Variants in CYB5D2 observed in about 807,000 individuals in gnomAD.
The protein encoded by CYB5D2 is neuferricin.
In CYB5D2, 23 loss-of-function variants were observed where a neutral mutation model predicts 22.8. That is an observed-to-expected ratio of 1.01 (90% CI 0.73 to 1.43). The LOEUF (loss-of-function observed/expected upper bound fraction) is 1.43. Among genes scored for constraint, CYB5D2 ranks in the 40% most tolerant of loss-of-function variants. The pLI, the probability that CYB5D2 is intolerant of heterozygous loss-of-function variation, is 0.00. For missense variants in CYB5D2, 373 were observed against 357.2 expected (o/e 1.04, Z -0.36); for synonymous variants, 170 against 152.2 (o/e 1.12, Z -0.86).
chr17:4,150,864 C>T (rs1195557518), intron 2 of CYB5D2: 10 of 152,210 alleles, frequency 6.6e-5, no homozygotes, highest in African/African-American at 1.2e-4. Context: ...CCAGCCTCAA[C>T]GAAAGACACT....
intron 3 of CYB5D2, among the ~76,000 whole-genome samples, chr17:4,155,438 CAAA>C (rs1567891886): frequency 6.6e-6 from 1 of 151,716 alleles, no homozygotes; most frequent in Non-Finnish European, 1.5e-5. Flanking sequence ...GGCAACATAA[CAAA>C]AAAACAGTAA....
At chr17:4,148,516 CAA>C (rs34632039) in intron 1 of CYB5D2, among the ~76,000 whole-genome samples, 199 of 102,632 alleles carry the variant, frequency 1.9e-3, no homozygotes, top group East Asian at 5.9e-3. Flanking sequence ...GACTCAGTCT[CAA>C]AAAAAAAAAA....
intron 3 of CYB5D2, 35 bp from the exon 4 acceptor site, chr17:4,156,831 C>G (rs765246758): frequency 4.4e-6 from 7 of 1,607,814 alleles, no homozygotes; most frequent in Non-Finnish European, 3.4e-6. Context: ...CATGAGTTCT[C>G]ACATTTAAGA....
At chr17:4,148,298 C>A (rs34014959) in intron 1 of CYB5D2, among the ~76,000 whole-genome samples, 31,929 of 152,050 alleles carry the variant, frequency 0.21, 3,438 homozygotes, top group Middle Eastern at 0.27. Context: ...GGGAACGTTA[C>A]CTCAGGTCAG....
chr17:4,149,814 A>C (rs148723615), intron 1 of CYB5D2, 77 bp from the exon 2 acceptor site: 24 of 1,544,172 alleles, frequency 1.6e-5, no homozygotes, highest in Non-Finnish European at 1.9e-5. Flanking sequence ...AAAAAGAAAA[A>C]GAAAGAAAAC....
intron 1 of CYB5D2, among the ~76,000 whole-genome samples, chr17:4,146,115 C>T (rs1019098644): frequency 6.6e-6 from 1 of 151,796 alleles, no homozygotes; most frequent in Non-Finnish European, 1.5e-5. Flanking sequence ...TTTTATTTTT[C>T]GAGATAAACT....
rs773898722 is a variant in CYB5D2, at chr17:4,143,935, C to T, written c.180C>T (p.Leu60=). The T allele has an allele frequency of 3.1e-6, 5 of 1,613,620 alleles. No individual in the cohort carries two copies. The highest frequency in any genetic ancestry group is 4.2e-6 in the Non-Finnish European group (5 of 1,180,008). ...PGDPGLYLAL[L]GRVYDVSSGR... is the part of the protein sequence containing the mutation. Reference sequence around the variant, plus strand: ...ACCCGGGCCTGTACTTGGCGTTGCTCGGCCGTGTCTACGATGTGTCCTCCG... The same window carrying T: ...ACCCGGGCCTGTACTTGGCGTTGCTTGGCCGTGTCTACGATGTGTCCTCCG... The change falls in exon 1 of 4, where the codon CTC becomes CTT. Residue 60 remains leucine, a synonymous_variant. Coordinates refer to ENST00000301391, the MANE Select transcript of CYB5D2 (RefSeq NM_144611.4).
intron 2 of CYB5D2, 22 bp from the exon 3 acceptor site, chr17:4,154,652 A>C: frequency 6.2e-7 from 1 of 1,609,186 alleles, no homozygotes; most frequent in Non-Finnish European, 8.5e-7. Context: ...TCTCACTCAC[A>C]TCTGCCTTCC....
intron 1 of CYB5D2, among the ~76,000 whole-genome samples, chr17:4,146,401 G>GT (rs1199691431): frequency 2.2e-4 from 32 of 147,902 alleles, no homozygotes; most frequent in Middle Eastern, 3.7e-3. Context: ...TGTTTTTTTT[G>GT]TTTTTTTGAG....
At chr17:4,150,447 C>T (rs141281604) in intron 2 of CYB5D2, among the ~76,000 whole-genome samples, 8 of 152,292 alleles carry the variant, frequency 5.3e-5, no homozygotes, top group South Asian at 2.1e-4. Flanking sequence ...AGACAAACTT[C>T]GTGAGTGAGC....
chr17:4,157,377 C>G lies in CYB5D2; in HGVS notation c.*295C>G, dbSNP rs1373610145. 8 of 470,076 alleles carry G rather than the reference C, an allele frequency of 1.7e-5. No homozygotes were observed. In the Admixed American group the frequency reaches 2.2e-4, roughly 13 times the overall value. 29.1% of individuals were successfully genotyped at this position (470,076 alleles called of 1,614,324 possible). A position where few individuals can be genotyped will look rare whatever the true frequency, so the allele number is the denominator to read the frequency against. On this transcript the variant is annotated 3_prime_UTR_variant, in exon 4 of 4. Transcript: ENST00000301391. The surrounding 1 kb of genome is among the most constrained non-coding windows in gnomAD (Gnocchi z 4.4). The stretch of plus-strand genomic sequence containing the variant: ...TCAACGGGCACAAATAAGACCAACT[C>G]AATTTCCACTTGAATTTACAACCAA...
At chr17:4,146,703 T>A (rs934802398) in intron 1 of CYB5D2, among the ~76,000 whole-genome samples, 2 of 151,702 alleles carry the variant, frequency 1.3e-5, no homozygotes, top group African/African-American at 2.4e-5. Context: ...TGGGTTTTTT[T>A]TTTTAGTATA....
Position 4,157,227 on chromosome 17 carries a change from A to G in CYB5D2, c.*145A>G. On this transcript the variant is annotated 3_prime_UTR_variant, in exon 4 of 4. Transcript: ENST00000301391. This position sits in a 1 kb window ranked among gnomAD's most constrained non-coding sequence, Gnocchi z 4.4. ...TGGCTATATTCTGCAAATGTGGCTCATGCCCCTTACCGTGGCTCGGCGTTG... is the reference window on the plus strand; with the variant it reads ...TGGCTATATTCTGCAAATGTGGCTCGTGCCCCTTACCGTGGCTCGGCGTTG... 1.0e-6 allele frequency: 1 copy of G among 956,784 alleles called. No individual in the cohort carries two copies. Among genetic ancestry groups the G allele is most frequent in the East Asian group, 2.6e-5 (1 of 38,116 alleles). 59.3% of individuals were successfully genotyped at this position (956,784 alleles called of 1,614,324 possible). A position where few individuals can be genotyped will look rare whatever the true frequency, so the allele number is the denominator to read the frequency against.
intron 1 of CYB5D2, among the ~76,000 whole-genome samples, chr17:4,144,502 T>A (rs777825272): frequency 3.3e-5 from 5 of 152,202 alleles, no homozygotes; most frequent in Non-Finnish European, 5.9e-5. Flanking sequence ...ACTTTATTCC[T>A]TTATGGCCCG....
chr17:4,143,840 TGG>T lies in CYB5D2; in HGVS notation c.88_89del (p.Gly30SerfsTer50). 4.3e-6 allele frequency: 7 copies of T among 1,614,080 alleles called. No homozygotes were observed. The South Asian group carries it at 6.6e-5, about 15-fold the overall frequency. ...AVMAARLMGWWGPRAGFRLFI... is the reference protein window; with the variant it reads ...AVMAARLMGWXGPRAGFRLFI... ...AATGGCAGCACGGCTTATGGGCTGG[TGG>T]GGTCCCCGCGCTGGCTTTCGCCTTT... On this transcript the variant is annotated frameshift_variant, in exon 1 of 4. Coordinates refer to ENST00000301391, the MANE Select transcript of CYB5D2 (RefSeq NM_144611.4). LOFTEE classifies it high-confidence loss of function.
chr17:4,149,571 A>G (rs951525961), intron 1 of CYB5D2, among the ~76,000 whole-genome samples: 1 of 151,878 alleles, frequency 6.6e-6, no homozygotes, highest in African/African-American at 2.4e-5. Context: ...TTGGGAGGCC[A>G]AGGTGGGCGG....
At position 4,148,254 on chromosome 17, in the gene CYB5D2, C is replaced by T. The variant is rs191765856; in HGVS notation, c.251-1637C>T. On this transcript the variant is annotated intron_variant, in intron 1 of 3. Coordinates refer to ENST00000301391, the MANE Select transcript of CYB5D2 (RefSeq NM_144611.4). ...ACTGCAGGCTGGGCATGGTGGCTCA[C>T]GCCTCTAATGCCAGCACTTTGGGAG... Among the ~76,000 whole-genome samples, 169 of 152,066 alleles carry T rather than the reference C, an allele frequency of 1.1e-3. 2 individuals carry two copies. The highest frequency in any genetic ancestry group is 3.8e-3 in the African/African-American group (158 of 41,520).
chr17:4,154,777 G>A lies in CYB5D2; in HGVS notation c.495G>A (p.Gln165=), dbSNP rs139874723. Residue 165 remains glutamine (Q), a synonymous_variant, in exon 3 of 4, where the codon CAG becomes CAA. Coordinates refer to ENST00000301391, the MANE Select transcript of CYB5D2 (RefSeq NM_144611.4). ...GAGGCTTGGAGGCCAACAAACTACA[G>A]CTGCAAGAGAAGCAGACATTCCCGC... ...ITRGLEANKL[Q]LQEKQTFPPC... 6.5e-5 allele frequency: 105 copies of A among 1,614,200 alleles called. No individual in the cohort carries two copies. In the African/African-American group the frequency reaches 1.3e-3, roughly 20 times the overall value.
intron 1 of CYB5D2, among the ~76,000 whole-genome samples, chr17:4,146,589 A>G (rs527764215): frequency 1.3e-5 from 2 of 151,834 alleles, no homozygotes; most frequent in South Asian, 4.2e-4. Flanking sequence ...ACGGGGTTTC[A>G]CTGTGTTAGC....
Sources: allele counts gnomAD v4.1 joint callset (sites outside exome capture counted in the v4.1 genomes callset), GRCh38; gene constraint gnomAD v4.1.1; non-coding constraint Gnocchi (gnomAD v3.1); transcripts MANE v1.5; gene names NCBI Gene and HGNC (gene_info 2026-07-23, HGNC 2026-07-21).